Variants in SEZ6L observed in about 807,000 individuals in gnomAD.
SEZ6L encodes seizure related 6 homolog like, also known as seizure 6-like protein.
SEZ6L carries 37 observed loss-of-function variants against 106.2 expected under a neutral mutation model. The observed-to-expected ratio is 0.35, with a 90% CI of 0.27 to 0.46. SEZ6L has a LOEUF of 0.46. Among genes scored for constraint, SEZ6L ranks in the 20% least tolerant of loss-of-function variants. SEZ6L has a pLI of 1.00. For synonymous variants in SEZ6L, 541 were observed against 570.4 expected (o/e 0.95, Z 0.73); for missense variants, 1,172 against 1,332.8 (o/e 0.88, Z 1.88).
chr22:26,184,507 C>G (rs959700159), intron 1 of SEZ6L, among the ~76,000 whole-genome samples: 1 of 152,176 alleles, frequency 6.6e-6, no homozygotes, highest in Non-Finnish European at 1.5e-5. Flanking sequence ...CTGATTCAAC[C>G]CCAAGAAGCA....
At chr22:26,300,524 T>C (rs1310550043) in intron 5 of SEZ6L, among the ~76,000 whole-genome samples, 2 of 152,242 alleles carry the variant, frequency 1.3e-5, no homozygotes, top group Admixed American at 1.3e-4. Flanking sequence ...ATGGTGTATA[T>C]GTGCCACATT....
At chr22:26,356,943 G>A (rs978638652) in intron 12 of SEZ6L, among the ~76,000 whole-genome samples, 1 of 145,878 alleles carries the variant, frequency 6.9e-6, no homozygotes, top group African/African-American at 2.6e-5. Context: ...ACATCATTGT[G>A]TTTCCTCAGA....
At chr22:26,365,641 A>G (rs2083783282) in intron 13 of SEZ6L, 75 bp downstream of exon 13, 1 of 1,391,006 alleles carries the variant, frequency 7.2e-7, no homozygotes, top group Non-Finnish European at 9.8e-7. Flanking sequence ...GGAGTTCTGA[A>G]CTTGCTCTAA....
intron 1 of SEZ6L, among the ~76,000 whole-genome samples, chr22:26,263,673 G>A (rs1418745011): frequency 6.6e-6 from 1 of 152,156 alleles, no homozygotes; most frequent in Non-Finnish European, 1.5e-5. Context: ...TTATGCAGTG[G>A]CCTGTAGGGC....
At chr22:26,182,114 T>C (rs915926311) in intron 1 of SEZ6L, among the ~76,000 whole-genome samples, 3 of 152,220 alleles carry the variant, frequency 2.0e-5, no homozygotes, top group African/African-American at 7.2e-5. Context: ...ATCTCCCAGA[T>C]AGTAGAAACT....
chr22:26,295,965 G>C (rs1390981072), intron 3 of SEZ6L, among the ~76,000 whole-genome samples: 1 of 152,148 alleles, frequency 6.6e-6, no homozygotes, highest in Non-Finnish European at 1.5e-5. Context: ...GTTCATCAAA[G>C]AGAAAAGAGG....
At chr22:26,351,318 T>A in intron 12 of SEZ6L, 75 bp downstream of exon 12, 1 of 1,434,454 alleles carries the variant, frequency 7.0e-7, no homozygotes, top group Non-Finnish European at 9.6e-7. Context: ...GATGGAAGGC[T>A]GGGCTGCTAG....
At chr22:26,364,081 G>A (rs899452184) in intron 12 of SEZ6L, among the ~76,000 whole-genome samples, 1 of 152,158 alleles carries the variant, frequency 6.6e-6, no homozygotes, top group Non-Finnish European at 1.5e-5. Flanking sequence ...GCCCAACAAT[G>A]TAAAAGTACA....
chr22:26,307,354 G>C (rs966565864), intron 6 of SEZ6L, among the ~76,000 whole-genome samples: 1 of 152,034 alleles, frequency 6.6e-6, no homozygotes, highest in African/African-American at 2.4e-5. Flanking sequence ...AGTGTTTACT[G>C]CACTTCCAGA....
At chr22:26,220,892 AATGGATGGATGGATGG>A (rs56187164) in intron 1 of SEZ6L, among the ~76,000 whole-genome samples, 2 of 149,248 alleles carry the variant, frequency 1.3e-5, no homozygotes, top group Non-Finnish European at 1.5e-5. Flanking sequence ...ATACTGTATG[AATGGATGGATGGATGG>A]ATGGATGGAT....
At chr22:26,307,101 C>A (rs1030721470) in intron 6 of SEZ6L, among the ~76,000 whole-genome samples, 2 of 152,178 alleles carry the variant, frequency 1.3e-5, no homozygotes, top group African/African-American at 4.8e-5. Flanking sequence ...AACCTCTGGG[C>A]AATGTGTTGA....
At chr22:26,361,204 A>C (rs990968584) in intron 12 of SEZ6L, among the ~76,000 whole-genome samples, 1 of 152,144 alleles carries the variant, frequency 6.6e-6, no homozygotes, top group Non-Finnish European at 1.5e-5. Context: ...ATTTTTAAAA[A>C]TATATTACAT....
At position 26,381,875 on chromosome 22, in the gene SEZ6L, A is replaced by G; in HGVS notation, c.*1580A>G. 1 of 394,908 alleles carries G rather than the reference A, an allele frequency of 2.5e-6. No homozygotes were observed. Among genetic ancestry groups the G allele is most frequent in the Non-Finnish European group, 5.0e-6 (1 of 199,198 alleles). 24.5% of individuals were successfully genotyped at this position (394,908 alleles called of 1,614,324 possible). Reference sequence around the variant, plus strand: ...TTTGGTGCCCTCCCATTCTCTCTGGAATTGTTTCAAGTCTGCTGGTTTTCA... The same window carrying G: ...TTTGGTGCCCTCCCATTCTCTCTGGGATTGTTTCAAGTCTGCTGGTTTTCA... On this transcript the variant is annotated 3_prime_UTR_variant, in exon 17 of 17. Coordinates refer to ENST00000248933, the MANE Select transcript of SEZ6L (RefSeq NM_021115.5).
In SEZ6L at chr22:26,307,617, C is replaced by T. The variant is rs115054065; in HGVS notation, c.1514+1473C>T. On this transcript the variant is annotated intron_variant, in intron 6 of 16. Coordinates refer to ENST00000248933, the MANE Select transcript of SEZ6L (RefSeq NM_021115.5). ...GTGTAAGGTATCAAGCAGGGGCTCC[C>T]GAACGTGGCTTTTTAGCAGCACCAG... 4.1e-3 allele frequency among the ~76,000 whole-genome samples: 631 copies of T among 152,222 alleles called. 4 individuals are homozygous for T. The highest frequency in any genetic ancestry group is 0.014 in the African/African-American group (592 of 41,544).
chr22:26,373,274 A>G (rs1291789190), intron 13 of SEZ6L, among the ~76,000 whole-genome samples, 177 bp from the exon 14 acceptor site: 1 of 152,208 alleles, frequency 6.6e-6, no homozygotes, highest in Admixed American at 6.5e-5. Context: ...TTGGTAACTT[A>G]GGAAGTGAAT....
chr22:26,367,878 C>T (rs1360519108), intron 13 of SEZ6L, among the ~76,000 whole-genome samples: 2 of 152,164 alleles, frequency 1.3e-5, no homozygotes, highest in Non-Finnish European at 2.9e-5. Context: ...CTTTAAGCCT[C>T]GCCCCCACCT....
At chr22:26,187,286 AACTC>A (rs1184037117) in intron 1 of SEZ6L, among the ~76,000 whole-genome samples, 3 of 152,158 alleles carry the variant, frequency 2.0e-5, no homozygotes, top group Admixed American at 6.5e-5. Flanking sequence ...GCCTTGTGAG[AACTC>A]ACTCACTATC....
chr22:26,308,364 C>T (rs1472892165), intron 6 of SEZ6L, among the ~76,000 whole-genome samples: 1 of 151,752 alleles, frequency 6.6e-6, no homozygotes, highest in East Asian at 1.9e-4. Flanking sequence ...CTCATGAGAA[C>T]AGGAGGAAAG....
rs139289433 is a variant in SEZ6L, at chr22:26,337,873, G to A, written c.2016-2563G>A. Among the ~76,000 whole-genome samples, 116 of 152,280 alleles carry A rather than the reference G, an allele frequency of 7.6e-4. 1 individual carries two copies. The highest frequency in any genetic ancestry group is 3.4e-3 in the Middle Eastern group (1 of 294). On this transcript the variant is annotated intron_variant, in intron 9 of 16. Coordinates refer to ENST00000248933, the MANE Select transcript of SEZ6L (RefSeq NM_021115.5). ...GGAGCAACTTTACATGAGGAACTAC[G>A]AGAGGTATGGTGGAAGGTATTGGGG...
Sources: gnomAD v4.1 joint callset for allele counts (sites outside exome capture counted in the v4.1 genomes callset) on GRCh38, gnomAD v4.1.1 for gene constraint, MANE v1.5 for transcripts, NCBI Gene and HGNC (gene_info 2026-07-23, HGNC 2026-07-21) for gene names.